The following PCDH15 variants were observed in gnomAD, a reference collection of about 807,000 sequenced individuals.
PCDH15 encodes protocadherin related 15.
A neutral mutation model predicts 178.5 loss-of-function variants in PCDH15; 129 were observed. The ratio of observed to expected loss-of-function variants is 0.72; its 90% CI spans 0.63 to 0.84. The LOEUF (loss-of-function observed/expected upper bound fraction) is 0.84, where lower values mean the gene tolerates loss of function less well. PCDH15 is among the 40% of genes least tolerant of loss of function. The pLI, the probability that PCDH15 is intolerant of heterozygous loss-of-function variation, is 0.00. For synonymous variants in PCDH15, 800 were observed against 732.0 expected, an observed-to-expected ratio of 1.09 and a Z score of -1.50; for missense variants, 2,230 against 2,099.9, an observed-to-expected ratio of 1.06 and a Z score of -1.21.
chr10:55,233,659 T>C (rs1347059595), intron 1 of PCDH15, among the ~76,000 whole-genome samples: 1 of 152,110 alleles, frequency 6.6e-6, no homozygotes, highest in Non-Finnish European at 1.5e-5. Context: ...TCCCTAGATA[T>C]GCAAATTATA....
At position 55,336,124 on chromosome 10, in the gene PCDH15, G is replaced by GAAAAAA. The variant is rs748988261; in HGVS notation, c.-155-169479_-155-169474dup. ...CCCAAAATATGGCACCTTGGTATTT[G>GAAAAAA]AAAAAAAAAAAAAAAAAAAAAAAAA... On this transcript the variant is annotated intron_variant, in intron 2 of 5. Coordinates refer to the PCDH15 transcript ENST00000613346. Among the ~76,000 whole-genome samples, 13 of 59,276 alleles carry GAAAAAA rather than the reference G, an allele frequency of 2.2e-4. 1 individual carries two copies. The highest frequency in any genetic ancestry group is 7.1e-4 in the African/African-American group (12 of 16,880). The allele number at this position is 59,276 out of a possible 152,430, so 38.9% of individuals were successfully genotyped here.
chr10:54,579,605 C>A (rs749050036), intron 2 of PCDH15, among the ~76,000 whole-genome samples: 1 of 152,042 alleles, frequency 6.6e-6, no homozygotes. Flanking sequence ...TAATCCTGGA[C>A]TTAAATTTGA....
chr10:55,473,825 G>T (rs879295870), intron 2 of PCDH15, among the ~76,000 whole-genome samples: 5 of 152,132 alleles, frequency 3.3e-5, no homozygotes, highest in Admixed American at 2.6e-4. Context: ...AAACAATAAA[G>T]CTAATATTTA....
intron 2 of PCDH15, among the ~76,000 whole-genome samples, chr10:54,577,807 T>C (rs75081984): frequency 1.3e-5 from 2 of 151,762 alleles, no homozygotes; most frequent in East Asian, 3.9e-4. Context: ...AGGAGTTCTC[T>C]GGTTTCTGGC....
At chr10:55,016,530 T>A (rs1840184856) in intron 2 of PCDH15, among the ~76,000 whole-genome samples, 3 of 152,164 alleles carry the variant, frequency 2.0e-5, no homozygotes, top group Admixed American at 2.0e-4. Context: ...GTGCCTGGCT[T>A]ATTTCACTTA....
chr10:55,008,786 A>G (rs1000698324), intron 2 of PCDH15, among the ~76,000 whole-genome samples: 1 of 152,152 alleles, frequency 6.6e-6, no homozygotes, highest in African/African-American at 2.4e-5. Flanking sequence ...CAAATAATTT[A>G]TGAAAAAATA....
intron 2 of PCDH15, among the ~76,000 whole-genome samples, chr10:54,627,615 G>A (rs577806504): frequency 6.6e-6 from 1 of 152,238 alleles, no homozygotes; most frequent in Non-Finnish European, 1.5e-5. Context: ...GTCCAGTCTT[G>A]GGTATGTCTT....
At chr10:54,784,502 A>G (rs1950659706) in intron 1 of PCDH15, among the ~76,000 whole-genome samples, 1 of 152,020 alleles carries the variant, frequency 6.6e-6, no homozygotes, top group African/African-American at 2.4e-5. Flanking sequence ...TATGTCCAGC[A>G]AAGCTACTGT....
At chr10:55,360,465 G>A (rs1335608706) in intron 2 of PCDH15, among the ~76,000 whole-genome samples, 3 of 151,678 alleles carry the variant, frequency 2.0e-5, no homozygotes, top group Admixed American at 6.6e-5. Context: ...GCCACAGAAT[G>A]GGAGGAAAAA....
chr10:55,346,975 G>A (rs1844777462), intron 2 of PCDH15, among the ~76,000 whole-genome samples: 1 of 152,050 alleles, frequency 6.6e-6, no homozygotes, highest in Non-Finnish European at 1.5e-5. Flanking sequence ...AGCACTTTGG[G>A]GGGCTGAGGT....
chr10:54,318,294 T>C (rs994659148), intron 7 of PCDH15, among the ~76,000 whole-genome samples: 34 of 152,180 alleles, frequency 2.2e-4, no homozygotes, highest in African/African-American at 8.2e-4. Flanking sequence ...TATTTTCCTT[T>C]GGGAATGCCA....
In PCDH15 at chr10:54,243,439, G is replaced by A. The variant is rs142416469; in HGVS notation, c.877-6508C>T. On this transcript the variant is annotated intron_variant, in intron 8 of 37. Transcript: ENST00000644397. ...GGAGAATGGCGTGAACCTGGGAGGC[G>A]GAGCTTGCAGTGAGCAGAGTTTGTG... Among the ~76,000 whole-genome samples, 1,275 of 152,218 alleles carry A rather than the reference G, an allele frequency of 8.4e-3. 11 individuals carry two copies. Among genetic ancestry groups the A allele is most frequent in the African/African-American group, 0.027 (1,112 of 41,536 alleles).
chr10:53,833,013 TAAAAG>T (rs1266561680), intron 29 of PCDH15, among the ~76,000 whole-genome samples: 1 of 152,006 alleles, frequency 6.6e-6, no homozygotes, highest in Non-Finnish European at 1.5e-5. Flanking sequence ...TGTTACACGT[TAAAAG>T]AAAATAAAAA....
rs540519923 is a variant in PCDH15, at chr10:53,820,265, C to A, written c.4368-35G>T. On this transcript the variant is annotated intron_variant, in intron 32 of 37. Transcript: ENST00000644397. ...TTCAGTGAAAGAAAGAAAAAAATCA[C>A]GTTCAAGAACCCCAAGAAAGTAATT... The A allele has an allele frequency of 2.1e-3, 836 of 397,242 alleles. 3 individuals are homozygous for A. The highest frequency in any genetic ancestry group is 3.0e-3 in the Non-Finnish European group (684 of 225,076). 24.6% of individuals were successfully genotyped at this position (397,242 alleles called of 1,614,324 possible).
At chr10:55,559,776 C>A (rs2132097292) in intron 2 of PCDH15, among the ~76,000 whole-genome samples, 1 of 151,912 alleles carries the variant, frequency 6.6e-6, no homozygotes, top group East Asian at 1.9e-4. Context: ...TGAAAGTGTG[C>A]ATCTCCTCTC....
At chr10:54,118,980 A>T (rs4431930) in intron 15 of PCDH15, among the ~76,000 whole-genome samples, 6 of 151,888 alleles carry the variant, frequency 4.0e-5, no homozygotes, top group Non-Finnish European at 8.8e-5. Flanking sequence ...ATAAAAAGAA[A>T]GAAAGAACAA....
Position 54,097,263 on chromosome 10 carries a change from T to C in PCDH15, c.1918-7200A>G, listed in dbSNP as rs530522882. Among the ~76,000 whole-genome samples, 9 of 152,350 alleles carry C rather than the reference T, an allele frequency of 5.9e-5. No individual in the cohort carries two copies. In the South Asian group the frequency reaches 1.9e-3, roughly 32 times the overall value. Reference sequence around the variant, plus strand: ...AGAGTAATTATATCTATCCCTCTCCTATTACTGAATGATTTCATCTCTACT... The same window carrying C: ...AGAGTAATTATATCTATCCCTCTCCCATTACTGAATGATTTCATCTCTACT... On this transcript the variant is annotated intron_variant, in intron 15 of 37. Transcript: ENST00000644397.
chr10:54,882,673 A>G (rs1319409545), intron 3 of PCDH15, among the ~76,000 whole-genome samples: 1 of 152,066 alleles, frequency 6.6e-6, no homozygotes, highest in Non-Finnish European at 1.5e-5. Context: ...AAAATAGATT[A>G]AGATTAAGAA....
rs71461295 is a variant in PCDH15 at position 55,374,084 on chromosome 10, T to TATAATAATA, written c.-155-207442_-155-207434dup. ...TGCACATGTATCCCAGAACTTAAAG[T>TATAATAATA]ATAATAATAATAATAATAATAATAA... On this transcript the variant is annotated intron_variant, in intron 2 of 5. Coordinates refer to the PCDH15 transcript ENST00000613346. 3.3e-3 allele frequency among the ~76,000 whole-genome samples: 477 copies of TATAATAATA among 143,952 alleles called. 1 individual carries two copies. Among genetic ancestry groups the TATAATAATA allele is most frequent in the African/African-American group, 4.4e-3 (172 of 39,008 alleles). 94.4% of individuals were successfully genotyped at this position (143,952 alleles called of 152,430 possible).
Sources: allele counts gnomAD v4.1 joint callset (sites outside exome capture counted in the v4.1 genomes callset), GRCh38; gene constraint gnomAD v4.1.1; transcripts MANE v1.5; gene names NCBI Gene and HGNC (gene_info 2026-07-23, HGNC 2026-07-21).